SLC35F4: variants seen among roughly 807,000 people sequenced by gnomAD.
SLC35F4 encodes the protein solute carrier family 35 member F4, also known as chromosome 14 open reading frame 36.
SLC35F4 carries 24 observed loss-of-function variants against 44.2 expected under a neutral mutation model. The ratio of observed to expected loss-of-function variants is 0.54; its 90% CI spans 0.39 to 0.76. The LOEUF (loss-of-function observed/expected upper bound fraction) is 0.76, where lower values mean the gene tolerates loss of function less well. Ranked by LOEUF, SLC35F4 falls within the 30% of genes least tolerant of loss-of-function variation. SLC35F4 has a pLI of 0.00. For missense variants in SLC35F4, 562 were observed against 586.1 expected, an observed-to-expected ratio of 0.96 and a Z score of 0.42; for synonymous variants, 238 against 223.6, an observed-to-expected ratio of 1.06 and a Z score of -0.57.
intron 1 of SLC35F4, among the ~76,000 whole-genome samples, chr14:57,774,245 C>T (rs1298656993): frequency 1.3e-5 from 2 of 152,098 alleles, no homozygotes; most frequent in Admixed American, 1.3e-4. Flanking sequence ...GCTACCACAC[C>T]CCAGGACTTG....
At chr14:57,961,656 C>T (rs1466847568) in intron 1 of SLC35F4, among the ~76,000 whole-genome samples, 1 of 152,152 alleles carries the variant, frequency 6.6e-6, no homozygotes, top group East Asian at 1.9e-4. Context: ...CCCTACCTCC[C>T]CGGCTTCTTC....
chr14:57,738,819 T>C (rs1312718916), intron 1 of SLC35F4, among the ~76,000 whole-genome samples: 1 of 146,084 alleles, frequency 6.8e-6, no homozygotes, highest in African/African-American at 2.5e-5. Context: ...TATATATATG[T>C]AAATATATAT....
At chr14:57,869,958 T>C (rs1175573665), upstream of SLC35F4, among the ~76,000 whole-genome samples, 1 of 152,190 alleles carries the variant, frequency 6.6e-6, no homozygotes, top group Non-Finnish European at 1.5e-5. Flanking sequence ...GCTGGGTGTC[T>C]GTATGAGAAG....
At chr14:57,735,872 C>G (rs560327478) in intron 1 of SLC35F4, among the ~76,000 whole-genome samples, 1 of 152,190 alleles carries the variant, frequency 6.6e-6, no homozygotes, top group South Asian at 2.1e-4. Flanking sequence ...CAAGTGTGTG[C>G]CACCACCCCC....
intron 1 of SLC35F4, among the ~76,000 whole-genome samples, chr14:57,684,151 A>G (rs2074996248): frequency 6.6e-6 from 1 of 151,986 alleles, no homozygotes; most frequent in Non-Finnish European, 1.5e-5. Flanking sequence ...TCTCCCTTTC[A>G]TACCCTCCCA....
intron 1 of SLC35F4, among the ~76,000 whole-genome samples, chr14:57,964,722 A>C (rs1021688950): frequency 5.9e-5 from 9 of 152,034 alleles, no homozygotes; most frequent in African/African-American, 2.2e-4. Flanking sequence ...AAAAGGCCTC[A>C]AGGTGGGGAA....
chr14:57,754,351 C>T (rs1476831078), intron 1 of SLC35F4, among the ~76,000 whole-genome samples: 1 of 152,062 alleles, frequency 6.6e-6, no homozygotes, highest in African/African-American at 2.4e-5. Flanking sequence ...GTGATCCATC[C>T]ACCTTGGCCT....
At chr14:57,735,386 G>C (rs1321113124) in intron 1 of SLC35F4, among the ~76,000 whole-genome samples, 1 of 152,210 alleles carries the variant, frequency 6.6e-6, no homozygotes, top group Non-Finnish European at 1.5e-5. Flanking sequence ...GGTTGGTGGA[G>C]CTGTTACTTT....
At chr14:57,758,162 T>A (rs1186789729) in intron 1 of SLC35F4, among the ~76,000 whole-genome samples, 1 of 152,198 alleles carries the variant, frequency 6.6e-6, no homozygotes, top group East Asian at 1.9e-4. Context: ...TGTCTCTGGC[T>A]GCTTTTAGAT....
intron 1 of SLC35F4, among the ~76,000 whole-genome samples, chr14:57,791,650 A>G (rs1326267116): frequency 6.6e-6 from 1 of 152,232 alleles, no homozygotes. Flanking sequence ...AAAGGATTAT[A>G]AAACACATGC....
chr14:57,677,382 C>T (rs1270966195), intron 1 of SLC35F4, among the ~76,000 whole-genome samples: 1 of 150,982 alleles, frequency 6.6e-6, no homozygotes, highest in African/African-American at 2.5e-5. Context: ...TAACCAAAAA[C>T]CTTCTTTACC....
chr14:57,581,731 A>C (rs1313975085), intron 3 of SLC35F4, among the ~76,000 whole-genome samples: 1 of 152,222 alleles, frequency 6.6e-6, no homozygotes, highest in Non-Finnish European at 1.5e-5. Flanking sequence ...GCCTGCAGAA[A>C]TACCGAAATT....
At chr14:57,895,505 T>C (rs537786408) in intron 1 of SLC35F4, among the ~76,000 whole-genome samples, 1 of 152,170 alleles carries the variant, frequency 6.6e-6, no homozygotes, top group African/African-American at 2.4e-5. Flanking sequence ...TGCTGTTCCC[T>C]TGATAGTGGA....
chr14:57,663,165 G>A (rs527636956), intron 1 of SLC35F4, among the ~76,000 whole-genome samples: 11 of 152,254 alleles, frequency 7.2e-5, no homozygotes, highest in East Asian at 5.8e-4. Flanking sequence ...AGTGTGTCAT[G>A]TATTCCCTAC....
chr14:57,848,761 A>G (rs565641299), intron 1 of SLC35F4, among the ~76,000 whole-genome samples: 75 of 152,344 alleles, frequency 4.9e-4, no homozygotes, highest in African/African-American at 1.4e-3. Context: ...TTCTGGGGCA[A>G]ACATTGGGTA....
At chr14:57,582,578 C>G (rs1045108059) in intron 3 of SLC35F4, among the ~76,000 whole-genome samples, 1 of 152,168 alleles carries the variant, frequency 6.6e-6, no homozygotes, top group African/African-American at 2.4e-5. Context: ...AATGACTGTA[C>G]CTATACGACT....
At chr14:57,833,201 T>G (rs1884560860) in intron 1 of SLC35F4, among the ~76,000 whole-genome samples, 1 of 152,174 alleles carries the variant, frequency 6.6e-6, no homozygotes, top group African/African-American at 2.4e-5. Flanking sequence ...GCAATCTCAC[T>G]AAAGACAGAC....
Position 57,608,992 on chromosome 14 carries a change from G to T in SLC35F4, c.104-14868C>A, listed in dbSNP as rs533210988. 2.2e-3 allele frequency among the ~76,000 whole-genome samples: 338 copies of T among 152,156 alleles called. 1 individual carries two copies. Among genetic ancestry groups the T allele is most frequent in the African/African-American group, 7.6e-3 (317 of 41,494 alleles). On this transcript the variant is annotated intron_variant, in intron 1 of 7. Transcript: ENST00000556826. The stretch of plus-strand genomic sequence containing the variant: ...AGAAACAAGTGGGAGATGAGAAAGC[G>T]CATGCAGGAAGTATAGACAGGACAC...
chr14:57,908,544 T>C (rs1345170281), intron 1 of SLC35F4, among the ~76,000 whole-genome samples: 1 of 152,222 alleles, frequency 6.6e-6, no homozygotes, highest in East Asian at 1.9e-4. Flanking sequence ...TCAATAATGT[T>C]GAGCTTTTTT....
Sources: gnomAD v4.1 joint callset for allele counts (sites outside exome capture counted in the v4.1 genomes callset) on GRCh38, gnomAD v4.1.1 for gene constraint, MANE v1.5 for transcripts, NCBI Gene and HGNC (gene_info 2026-07-23, HGNC 2026-07-21) for gene names.